Variants in COL28A1 observed in about 807,000 individuals in gnomAD.
The protein encoded by COL28A1 is collagen type XXVIII alpha 1 chain.
In COL28A1, 161 loss-of-function variants were observed where a neutral mutation model predicts 150.2. The ratio of observed to expected loss-of-function variants is 1.07; its 90% confidence interval spans 0.94 to 1.22. The LOEUF (loss-of-function observed/expected upper bound fraction) is 1.22. Among genes scored for constraint, COL28A1 ranks in the 50% most tolerant of loss-of-function variants. COL28A1 has a pLI of 0.00. For missense variants in COL28A1, 1,617 were observed against 1,388.3 expected (o/e 1.16, Z -2.62); for synonymous variants, 552 against 469.7 (o/e 1.18, Z -2.26).
At chr7:7,488,033 A>G (rs1360460291) in intron 13 of COL28A1, among the ~76,000 whole-genome samples, 1 of 152,184 alleles carries the variant, frequency 6.6e-6, no homozygotes, top group East Asian at 1.9e-4. Flanking sequence ...TTAACATTGC[A>G]GCCATTTTAG....
intron 9 of COL28A1, among the ~76,000 whole-genome samples, chr7:7,508,956 C>A (rs1248766979): frequency 6.6e-6 from 1 of 152,158 alleles, no homozygotes; most frequent in Non-Finnish European, 1.5e-5. Context: ...GCTCCAGCCT[C>A]CCGAGTAGCT....
At chr7:7,495,832 T>TTTTTAA (rs1780180543) in intron 11 of COL28A1, among the ~76,000 whole-genome samples, 2 of 152,140 alleles carry the variant, frequency 1.3e-5, no homozygotes, top group Non-Finnish European at 2.9e-5. Context: ...GCAGAGCAAT[T>TTTTTAA]TTTTAATTTT....
At chr7:7,535,981 A>T (rs947395382), upstream of COL28A1, 9 of 152,226 alleles carry the variant, frequency 5.9e-5, no homozygotes, top group African/African-American at 2.2e-4. Context: ...TCAGTAAGCA[A>T]TTTAAAGGAA....
chr7:7,531,789 T>G lies in COL28A1; in HGVS notation c.240A>C (p.Gln80His), dbSNP rs17168526. The G allele has an allele frequency of 1.2e-6, 2 of 1,605,104 alleles. No individual in the cohort carries two copies. Among genetic ancestry groups the G allele is most frequent in the African/African-American group, 2.7e-5 (2 of 74,672 alleles). The change falls in exon 3 of 35, where the codon CAA becomes CAC. Residue 80 changes from glutamine to histidine, a missense_variant. Physicochemically the swap from Gln to His is conservative, Grantham distance 24. Coordinates refer to ENST00000399429, the MANE Select transcript of COL28A1 (RefSeq NM_001037763.3). Reference protein sequence around the residue: ...FVDSLSDKIFQLTPGRSLEYD... With the variant: ...FVDSLSDKIFHLTPGRSLEYD... ...ATTCCAAGGAGCGACCAGGAGTCAA[T>G]TGGAAAATCTTGTCACTCAAGCTAT...
chr7:7,390,565 T>C (rs1782481175), intron 27 of COL28A1, among the ~76,000 whole-genome samples: 1 of 152,188 alleles, frequency 6.6e-6, no homozygotes, highest in Admixed American at 6.5e-5. Context: ...TCAGAAGACA[T>C]GGTACCAGCT....
In COL28A1 at chr7:7,506,833, A is replaced by G. The variant is rs536774626; in HGVS notation, c.972+284T>C. On this transcript the variant is annotated intron_variant, in intron 10 of 34. Coordinates refer to ENST00000399429, the MANE Select transcript of COL28A1 (RefSeq NM_001037763.3). The stretch of plus-strand genomic sequence containing the variant: ...ACCACTTGACTTTCCATCTTTCCAG[A>G]CTCTTAATTTTTTAACTTCATCCCC... Among the ~76,000 whole-genome samples, 19 of 152,182 alleles carry G rather than the reference A, an allele frequency of 1.2e-4. No homozygotes were observed. In the South Asian group the frequency reaches 2.3e-3, roughly 18 times the overall value.
At chr7:7,434,816 T>G (rs898926499) in intron 23 of COL28A1, among the ~76,000 whole-genome samples, 5 of 152,226 alleles carry the variant, frequency 3.3e-5, no homozygotes, top group African/African-American at 1.2e-4. Context: ...TGTACTGGAT[T>G]CAAGGAAATG....
At chr7:7,419,220 A>G (rs112475922) in intron 26 of COL28A1, among the ~76,000 whole-genome samples, 98 of 152,126 alleles carry the variant, frequency 6.4e-4, no homozygotes, top group African/African-American at 2.2e-3. Context: ...GAGCTGAGTC[A>G]CTCTTTCTGA....
At chr7:7,513,665 G>T (rs1781268996) in intron 8 of COL28A1, among the ~76,000 whole-genome samples, 1 of 152,182 alleles carries the variant, frequency 6.6e-6, no homozygotes, top group Non-Finnish European at 1.5e-5. Flanking sequence ...GGAATAAAAT[G>T]AGTCAACCAC....
At chr7:7,464,293 A>C (rs1787875728) in intron 15 of COL28A1, among the ~76,000 whole-genome samples, 1 of 152,172 alleles carries the variant, frequency 6.6e-6, no homozygotes, top group Non-Finnish European at 1.5e-5. Flanking sequence ...GATTTAAACT[A>C]TACCCTGGAA....
chr7:7,381,573 T>G lies in COL28A1; in HGVS notation c.2176A>C (p.Thr726Pro), dbSNP rs1781874588. 3.1e-6 allele frequency: 5 copies of G among 1,613,820 alleles called. No homozygotes were observed. Among genetic ancestry groups the G allele is most frequent in the Non-Finnish European group, 4.2e-6 (5 of 1,179,772 alleles). ...GPQGFPGPKG[T>P]MGHGLPGQKG... ...TGGCCTGGGAGGCCATGGCCCATTG[T>G]GCCCTTTGGGCCTGGGAAGCCTTGT... Residue 726 changes from threonine (T) to proline (P), a missense_variant, in exon 28 of 35, where the codon ACA becomes CCA. Physicochemically the swap from Thr to Pro is conservative, Grantham distance 38 (BLOSUM62 -1). Transcript: ENST00000399429.
chr7:7,444,369 G>A (rs777689975), intron 19 of COL28A1, 49 bp downstream of exon 19: 1 of 1,609,106 alleles, frequency 6.2e-7, no homozygotes, highest in South Asian at 1.1e-5. Flanking sequence ...CAAGATATCA[G>A]TTTGGTTCAA....
At chr7:7,342,351 G>T in the COL28A1 span, among the ~76,000 whole-genome samples, 1 of 151,936 alleles carries the variant, frequency 6.6e-6, no homozygotes, top group Non-Finnish European at 1.5e-5. Flanking sequence ...TCTGGTAAAA[G>T]AATGTATAGT....
chr7:7,344,094 TG>T, the COL28A1 span, among the ~76,000 whole-genome samples: 37 of 152,274 alleles, frequency 2.4e-4, no homozygotes, highest in African/African-American at 8.9e-4. Flanking sequence ...AGTTTAGTCT[TG>T]CCTTTTAAAA....
chr7:7,401,020 G>GTGTGTGTGTGTA (rs1783168494), intron 27 of COL28A1, among the ~76,000 whole-genome samples: 1 of 147,208 alleles, frequency 6.8e-6, no homozygotes, highest in Admixed American at 6.8e-5. Context: ...GTGTGTGTGT[G>GTGTGTGTGTGTA]TGTGTACAGC....
At chr7:7,356,506 T>A (rs1780363275), downstream of COL28A1, 1 of 152,190 alleles carries the variant, frequency 6.6e-6, no homozygotes, top group Non-Finnish European at 1.5e-5. Flanking sequence ...CAGAATACTA[T>A]GCAGCCATAA....
At chr7:7,347,587 T>C in the COL28A1 span, among the ~76,000 whole-genome samples, 6 of 152,080 alleles carry the variant, frequency 3.9e-5, no homozygotes, top group East Asian at 1.2e-3. Flanking sequence ...TTTGTGCTGT[T>C]AGTAAATACC....
At chr7:7,342,887 C>T in the COL28A1 span, among the ~76,000 whole-genome samples, 3 of 151,802 alleles carry the variant, frequency 2.0e-5, no homozygotes, top group Non-Finnish European at 2.9e-5. Context: ...TTCCTTCTGC[C>T]TAAAGAATCC....
At chr7:7,501,336 C>A (rs760272772) in intron 11 of COL28A1, among the ~76,000 whole-genome samples, 1 of 152,168 alleles carries the variant, frequency 6.6e-6, no homozygotes, top group East Asian at 1.9e-4. Flanking sequence ...ATGGTACTTT[C>A]CCTTGGGAAA....
Sources: gnomAD v4.1 joint callset for allele counts (sites outside exome capture counted in the v4.1 genomes callset) on GRCh38, gnomAD v4.1.1 for gene constraint, MANE v1.5 for transcripts, NCBI Gene and HGNC (gene_info 2026-07-23, HGNC 2026-07-21) for gene names.